RFX4: variants seen among roughly 807,000 people sequenced by gnomAD.
RFX4 encodes the protein transcription factor RFX4.
RFX4 carries 10 observed loss-of-function variants against 95.0 expected under a neutral mutation model. The observed-to-expected ratio is 0.11, with a 90% CI of 0.06 to 0.18. RFX4 has a LOEUF of 0.18. Among genes scored for constraint, RFX4 ranks in the 10% least tolerant of loss-of-function variants. The pLI is 1.00. For synonymous variants in RFX4, 321 were observed against 340.7 expected (o/e 0.94, Z 0.64); for missense variants, 640 against 922.0 (o/e 0.69, Z 3.96).
intron 14 of RFX4, 33 bp from the exon 15 acceptor site, chr12:106,732,891 G>C (rs755837434): frequency 1.3e-6 from 2 of 1,597,432 alleles, no homozygotes; most frequent in Non-Finnish European, 1.7e-6. Context: ...CTTTACATTT[G>C]GTTTTAAAAA....
intron 2 of RFX4, among the ~76,000 whole-genome samples, chr12:106,618,699 G>T (rs1167020917): frequency 6.6e-6 from 1 of 151,992 alleles, no homozygotes; most frequent in Non-Finnish European, 1.5e-5. Context: ...ACAAAACCCA[G>T]TCTGATAATC....
At chr12:106,630,257 A>G (rs2040392339) in intron 2 of RFX4, among the ~76,000 whole-genome samples, 1 of 152,114 alleles carries the variant, frequency 6.6e-6, no homozygotes, top group South Asian at 2.1e-4. Flanking sequence ...CCTCACATAG[A>G]AATTTTGGAT....
intron 4 of RFX4, among the ~76,000 whole-genome samples, chr12:106,667,086 A>G (rs572110398): frequency 6.6e-6 from 1 of 152,158 alleles, no homozygotes; most frequent in Non-Finnish European, 1.5e-5. Context: ...TCAATCCTTT[A>G]GTAAGCCTAT....
At chr12:106,726,574 T>C (rs2042502514) in intron 13 of RFX4, among the ~76,000 whole-genome samples, 1 of 152,244 alleles carries the variant, frequency 6.6e-6, no homozygotes, top group South Asian at 2.1e-4. Flanking sequence ...CTTTATTCCT[T>C]GAAGATTCTC....
At chr12:106,685,842 C>A (rs2041634341) in intron 5 of RFX4, among the ~76,000 whole-genome samples, 3 of 152,114 alleles carry the variant, frequency 2.0e-5, no homozygotes, top group Non-Finnish European at 4.4e-5. Context: ...TAATAATTTC[C>A]ATTATTGGTT....
chr12:106,738,670 G>T (rs980356476), intron 15 of RFX4, among the ~76,000 whole-genome samples: 1 of 152,086 alleles, frequency 6.6e-6, no homozygotes, highest in Admixed American at 6.6e-5. Flanking sequence ...TCCTATATAA[G>T]ACTATGTATG....
At chr12:106,706,741 T>C (rs907295786) in intron 8 of RFX4, among the ~76,000 whole-genome samples, 2 of 152,162 alleles carry the variant, frequency 1.3e-5, no homozygotes, top group African/African-American at 4.8e-5. Context: ...GAAAAAAATA[T>C]TTAAGAAATA....
chr12:106,737,256 A>AG (rs2042728569), intron 15 of RFX4, among the ~76,000 whole-genome samples: 1 of 125,532 alleles, frequency 8.0e-6, no homozygotes, highest in Admixed American at 1.1e-4. Flanking sequence ...TTACTCATTT[A>AG]CTCACCTATC....
chr12:106,639,755 T>G (rs2040581812), intron 3 of RFX4, among the ~76,000 whole-genome samples: 1 of 152,218 alleles, frequency 6.6e-6, no homozygotes, highest in Admixed American at 6.5e-5. Context: ...TGAATTACAA[T>G]TGTATATAAT....
Position 106,586,177 on chromosome 12 carries a change from C to A in RFX4, c.43+2814C>A, listed in dbSNP as rs1592822964. Among the ~76,000 whole-genome samples, 2 of 152,124 alleles carry A rather than the reference C, an allele frequency of 1.3e-5. No individual in the cohort carries two copies. Among genetic ancestry groups the A allele is most frequent in the South Asian group, 4.1e-4 (2 of 4,828 alleles). On this transcript the variant is annotated intron_variant, in intron 1 of 17. Coordinates refer to ENST00000392842, the MANE Select transcript of RFX4 (RefSeq NM_213594.3). This position sits in a 1 kb window ranked among gnomAD's most constrained non-coding sequence, Gnocchi z 5.6. ...GCGGTGCTCCGGCAGGAGGCAAAGGCGACAGGCGCGCGCAGGGGCAGTCGA... is the reference window on the plus strand; with the variant it reads ...GCGGTGCTCCGGCAGGAGGCAAAGGAGACAGGCGCGCGCAGGGGCAGTCGA...
intron 11 of RFX4, 84 bp from the exon 12 acceptor site, chr12:106,719,876 G>A (rs778486143): frequency 9.3e-6 from 10 of 1,080,418 alleles, no homozygotes; most frequent in South Asian, 4.0e-5. Flanking sequence ...TTTATTCAAA[G>A]TTTTGTTCCT....
At chr12:106,642,625 ACAAC>A (rs2040657034) in intron 3 of RFX4, among the ~76,000 whole-genome samples, 3 of 152,170 alleles carry the variant, frequency 2.0e-5, no homozygotes, top group Admixed American at 2.0e-4. Context: ...ATTTAAAAAA[ACAAC>A]TAATGATTGA....
At chr12:106,759,559 G>A (rs573719539) in intron 17 of RFX4, among the ~76,000 whole-genome samples, 5 of 152,262 alleles carry the variant, frequency 3.3e-5, no homozygotes, top group African/African-American at 1.2e-4. Context: ...TCCTGTGCTA[G>A]AATCCCACTG....
chr12:106,712,605 C>A (rs1360229632), intron 10 of RFX4, among the ~76,000 whole-genome samples: 4 of 152,108 alleles, frequency 2.6e-5, no homozygotes, highest in Non-Finnish European at 5.9e-5. Context: ...CCCACATATA[C>A]CTCACTGCTC....
chr12:106,728,368 C>T (rs373735100), intron 13 of RFX4, among the ~76,000 whole-genome samples: 11 of 150,248 alleles, frequency 7.3e-5, no homozygotes, highest in South Asian at 4.2e-4. Flanking sequence ...TTACTTAGCG[C>T]GGTGCATATG....
intron 2 of RFX4, among the ~76,000 whole-genome samples, chr12:106,624,154 A>C (rs1393279366): frequency 6.6e-6 from 1 of 152,090 alleles, no homozygotes; most frequent in Non-Finnish European, 1.5e-5. Context: ...CAACAGACTT[A>C]TTTTACGTTG....
chr12:106,642,017 A>ATCTATATCTATG (rs1296814214), intron 3 of RFX4, among the ~76,000 whole-genome samples: 5 of 144,652 alleles, frequency 3.5e-5, no homozygotes, highest in Non-Finnish European at 4.5e-5. Flanking sequence ...CTATATCTAT[A>ATCTATATCTATG]TCTATTTTTT....
chr12:106,632,239 AC>A (rs2040430367), intron 2 of RFX4, among the ~76,000 whole-genome samples: 3 of 152,330 alleles, frequency 2.0e-5, no homozygotes, highest in South Asian at 4.1e-4. Context: ...TGGGAGCAGA[AC>A]GGAGTGGCAA....
chr12:106,641,752 C>T (rs1174346929), intron 3 of RFX4, among the ~76,000 whole-genome samples: 3 of 151,958 alleles, frequency 2.0e-5, no homozygotes, highest in African/African-American at 7.3e-5. Flanking sequence ...AGAACATTAA[C>T]GTTTGCTCTA....
Sources: gnomAD v4.1 joint callset for allele counts (sites outside exome capture counted in the v4.1 genomes callset) on GRCh38, gnomAD v4.1.1 for gene constraint, Gnocchi (gnomAD v3.1) non-coding constraint, MANE v1.5 for transcripts, NCBI Gene and HGNC (gene_info 2026-07-23, HGNC 2026-07-21) for gene names.